The following SLC25A16 variants were observed in gnomAD, a reference collection of about 807,000 sequenced individuals.
SLC25A16 encodes mitochondrial coenzyme A transporter SLC25A16.
SLC25A16 carries 39 observed loss-of-function variants against 41.5 expected under a neutral mutation model. The observed-to-expected ratio is 0.94, with a 90% CI of 0.73 to 1.23. SLC25A16 has a LOEUF of 1.23. Ranked by LOEUF, SLC25A16 falls within the 50% of genes most tolerant of loss-of-function variation. The pLI is 0.00. For synonymous variants in SLC25A16, 146 were observed against 147.8 expected (o/e 0.99, Z 0.09); for missense variants, 421 against 426.9 (o/e 0.99, Z 0.12).
intron 8 of SLC25A16, among the ~76,000 whole-genome samples, chr10:68,486,111 G>A (rs1381004906): frequency 9.9e-5 from 15 of 150,770 alleles, no homozygotes; most frequent in African/African-American, 2.9e-4. Flanking sequence ...CCAGGTACTC[G>A]GGAGGCTGAG....
At position 68,480,128 on chromosome 10, in the gene SLC25A16, C is replaced by G. The variant is rs943922582; in HGVS notation, c.*3304G>C. ...ATACCTCACTTATCAATCTGGAAACCAGACCACTGTCCCATTCTACAGACC... is the reference window on the plus strand; with the variant it reads ...ATACCTCACTTATCAATCTGGAAACGAGACCACTGTCCCATTCTACAGACC... On this transcript the variant is annotated 3_prime_UTR_variant, in exon 9 of 9. Coordinates refer to ENST00000609923, the MANE Select transcript of SLC25A16 (RefSeq NM_152707.4). The G allele has an allele frequency of 3.3e-5, 5 of 152,042 alleles. No homozygotes were observed. The highest frequency in any genetic ancestry group is 1.2e-4 in the African/African-American group (5 of 41,408). The allele number at this position is 152,042 out of a possible 1,614,324, so 9.4% of individuals were successfully genotyped here.
chr10:68,492,363 T>C (rs1308202328), intron 6 of SLC25A16, among the ~76,000 whole-genome samples: 26 of 152,180 alleles, frequency 1.7e-4, no homozygotes, highest in Admixed American at 1.4e-3. Context: ...AATTCTAGAA[T>C]TGCAAAATAA....
chr10:68,508,041 G>A (rs2052987089), intron 2 of SLC25A16, among the ~76,000 whole-genome samples: 1 of 151,940 alleles, frequency 6.6e-6, no homozygotes, highest in Non-Finnish European at 1.5e-5. Context: ...GACCAGCCTG[G>A]GCAATATGGT....
chr10:68,503,752 C>G lies in SLC25A16; in HGVS notation c.358-57G>C, dbSNP rs1446201501. The G allele has an allele frequency of 2.9e-6, 3 of 1,031,338 alleles. No individual in the cohort carries two copies. In the African/African-American group the frequency reaches 4.8e-5, roughly 16 times the overall value. 63.9% of individuals were successfully genotyped at this position (1,031,338 alleles called of 1,614,324 possible). The stretch of plus-strand genomic sequence containing the variant: ...TATTTTTTAAATGCTGCCCATTTCA[C>G]TGTTTAATAATGAAGATTTATTTCA... On this transcript the variant is annotated intron_variant, in intron 3 of 8. Transcript: ENST00000609923.
chr10:68,510,564 G>A (rs2133569004), intron 2 of SLC25A16, among the ~76,000 whole-genome samples: 1 of 151,928 alleles, frequency 6.6e-6, no homozygotes, highest in South Asian at 2.1e-4. Context: ...AAATGGGCCG[G>A]GCGCGGTGGC....
chr10:68,499,009 C>T lies in SLC25A16; in HGVS notation c.421+4623G>A, dbSNP rs182264926. Reference sequence around the variant, plus strand: ...TTGGCATGGAAGGATTAATAACATTCCCTTGTGTTCATGGAGGACTTCAGA... The same window carrying T: ...TTGGCATGGAAGGATTAATAACATTTCCTTGTGTTCATGGAGGACTTCAGA... On this transcript the variant is annotated intron_variant, in intron 4 of 8. Coordinates refer to ENST00000609923, the MANE Select transcript of SLC25A16 (RefSeq NM_152707.4). 1.6e-4 allele frequency among the ~76,000 whole-genome samples: 24 copies of T among 152,266 alleles called. No homozygotes were observed. In the East Asian group the frequency reaches 4.0e-3, roughly 26 times the overall value.
Position 68,481,599 on chromosome 10 carries a change from C to G in SLC25A16, c.*1833G>C, listed in dbSNP as rs2052484487. 6.6e-6 allele frequency: 1 copy of G among 151,928 alleles called. No homozygotes were observed. Among genetic ancestry groups the G allele is most frequent in the East Asian group, 1.9e-4 (1 of 5,136 alleles). The allele number at this position is 151,928 out of a possible 1,614,324, so 9.4% of individuals were successfully genotyped here. A position where few individuals can be genotyped will look rare whatever the true frequency, so the allele number is the denominator to read the frequency against. On this transcript the variant is annotated 3_prime_UTR_variant, in exon 9 of 9. Coordinates refer to ENST00000609923, the MANE Select transcript of SLC25A16 (RefSeq NM_152707.4). The stretch of plus-strand genomic sequence containing the variant: ...ACAGGCAAGAGCCACCACGCCTGGA[C>G]TCAACTTAGTTTTCTAATGTCTCCT...
In SLC25A16 at chr10:68,479,112, C is replaced by T. The variant is rs995212572; in HGVS notation, c.*4320G>A. On this transcript the variant is annotated 3_prime_UTR_variant, in exon 9 of 9. Coordinates refer to ENST00000609923, the MANE Select transcript of SLC25A16 (RefSeq NM_152707.4). Reference sequence around the variant, plus strand: ...GCAAATCAGCAATAAGACATTTCTGCGAAGCAAACCAAATGACTTTATTCC... The same window carrying T: ...GCAAATCAGCAATAAGACATTTCTGTGAAGCAAACCAAATGACTTTATTCC... The T allele has an allele frequency of 6.6e-6, 1 of 152,266 alleles. No individual in the cohort carries two copies. Among genetic ancestry groups the T allele is most frequent in the Non-Finnish European group, 1.5e-5 (1 of 68,030 alleles). 9.4% of individuals were successfully genotyped at this position (152,266 alleles called of 1,614,324 possible). A position where few individuals can be genotyped will look rare whatever the true frequency, so the allele number is the denominator to read the frequency against.
chr10:68,499,875 C>CA, intron 4 of SLC25A16: 1 of 549,640 alleles, frequency 1.8e-6, no homozygotes, highest in South Asian at 1.6e-5. Context: ...ACAAAGACGG[C>CA]AAAAAGATTC....
intron 6 of SLC25A16, among the ~76,000 whole-genome samples, chr10:68,491,977 C>T (rs938765145): frequency 5.9e-5 from 9 of 152,042 alleles, no homozygotes; most frequent in East Asian, 1.9e-4. Flanking sequence ...TACAGGCACA[C>T]GCCACCAAGC....
intron 6 of SLC25A16, among the ~76,000 whole-genome samples, chr10:68,491,148 G>A (rs919661586): frequency 4.6e-5 from 7 of 152,086 alleles, no homozygotes; most frequent in Non-Finnish European, 8.8e-5. Flanking sequence ...CAAAGTGCTG[G>A]GATTATAGGT....
At chr10:68,520,898 C>T (rs2053239762) in intron 1 of SLC25A16, among the ~76,000 whole-genome samples, 1 of 151,166 alleles carries the variant, frequency 6.6e-6, no homozygotes, top group African/African-American at 2.4e-5. Flanking sequence ...CATTTTGGGA[C>T]GTTGAGGCGG....
At position 68,507,070 on chromosome 10, in the gene SLC25A16, CT is replaced by C. The variant is rs71019019; in HGVS notation, c.224-353del. Reference sequence around the variant, plus strand: ...AGGTTTGCACTAAAGATGACCTACTCTTTTTTTTTTTTTTTTTTTTTGAGAC... The same window carrying C: ...AGGTTTGCACTAAAGATGACCTACTCTTTTTTTTTTTTTTTTTTTTGAGAC... On this transcript the variant is annotated intron_variant, in intron 2 of 8. Coordinates refer to ENST00000609923, the MANE Select transcript of SLC25A16 (RefSeq NM_152707.4). Among the ~76,000 whole-genome samples the C allele has an allele frequency of 2.1e-3, 243 of 115,590 alleles. 3 individuals carry two copies. The highest frequency in any genetic ancestry group is 0.012 in the South Asian group (41 of 3,340). The allele number at this position is 115,590 out of a possible 152,430, so 75.8% of individuals were successfully genotyped here.
chr10:68,516,639 T>G, intron 2 of SLC25A16, 112 bp downstream of exon 2: 1 of 655,022 alleles, frequency 1.5e-6, no homozygotes, highest in Non-Finnish European at 2.5e-6. Context: ...GAAAAAAGTT[T>G]TTAAAGAGGA....
intron 8 of SLC25A16, among the ~76,000 whole-genome samples, chr10:68,486,911 C>G (rs2052572926): frequency 7.3e-6 from 1 of 136,106 alleles, no homozygotes; most frequent in Admixed American, 8.6e-5. Flanking sequence ...TAGCCAAGAC[C>G]ATGCCACTGC....
intron 3 of SLC25A16, 32 bp from the exon 4 acceptor site, chr10:68,503,727 T>A (rs1564919340): frequency 1.5e-6 from 2 of 1,364,800 alleles, no homozygotes; most frequent in Non-Finnish European, 2.1e-6. Flanking sequence ...TTAAATGAGA[T>A]ATTTTTTAAA....
At position 68,480,545 on chromosome 10, in the gene SLC25A16, A is replaced by G. The variant is rs10998212; in HGVS notation, c.*2887T>C. 0.11 allele frequency: 14,686 copies of G among 138,498 alleles called. 1,436 individuals are homozygous for G. The highest frequency in any genetic ancestry group is 0.27 in the African/African-American group (10,012 of 37,170). The allele number at this position is 138,498 out of a possible 1,614,324, so 8.6% of individuals were successfully genotyped here. A position where few individuals can be genotyped will look rare whatever the true frequency, so the allele number is the denominator to read the frequency against. ...GGAGTCTTGCTCTGTCGCCCAGGTTAGAATGCAGTGGCACGATCTCGGCTC... is the reference window on the plus strand; with the variant it reads ...GGAGTCTTGCTCTGTCGCCCAGGTTGGAATGCAGTGGCACGATCTCGGCTC... On this transcript the variant is annotated 3_prime_UTR_variant, in exon 9 of 9. Transcript: ENST00000609923.
chr10:68,522,941 G>A (rs1276984115), intron 1 of SLC25A16, among the ~76,000 whole-genome samples: 1 of 151,292 alleles, frequency 6.6e-6, no homozygotes, highest in Non-Finnish European at 1.5e-5. Flanking sequence ...TGATAATCAG[G>A]CCACTGCACT....
Position 68,492,066 on chromosome 10 carries a change from C to T in SLC25A16, c.610+1066G>A, listed in dbSNP as rs1348947182. Among the ~76,000 whole-genome samples, 4 of 151,764 alleles carry T rather than the reference C, an allele frequency of 2.6e-5. 1 individual carries two copies. The South Asian group carries it at 6.2e-4, about 24-fold the overall frequency. On this transcript the variant is annotated intron_variant, in intron 6 of 8. Coordinates refer to ENST00000609923, the MANE Select transcript of SLC25A16 (RefSeq NM_152707.4). ...CAGTCTCAAACTCAGGTGATCCACC[C>T]GCCTTGGCCTCCAAAAGTGCTGGGA...
Sources: gnomAD v4.1 joint callset for allele counts (sites outside exome capture counted in the v4.1 genomes callset) on GRCh38, gnomAD v4.1.1 for gene constraint, MANE v1.5 for transcripts, NCBI Gene and HGNC (gene_info 2026-07-23, HGNC 2026-07-21) for gene names.